Variants in MORN3 observed in about 807,000 individuals in gnomAD.
MORN3 encodes MORN repeat-containing protein 3.
In MORN3, 38 loss-of-function variants were observed where a neutral mutation model predicts 34.7. The ratio of observed to expected loss-of-function variants is 1.10; its 90% CI spans 0.85 to 1.44. The LOEUF is 1.44. Among genes scored for constraint, MORN3 ranks in the 40% most tolerant of loss-of-function variants. The pLI, the probability that MORN3 is intolerant of heterozygous loss-of-function variation, is 0.00. For synonymous variants in MORN3, 109 were observed against 115.3 expected, an observed-to-expected ratio of 0.95 and a Z score of 0.35; for missense variants, 311 against 321.7, an observed-to-expected ratio of 0.97 and a Z score of 0.25.
chr12:121,666,311 G>A (rs986397942), intron 1 of MORN3, among the ~76,000 whole-genome samples: 9 of 151,834 alleles, frequency 5.9e-5, no homozygotes, highest in African/African-American at 1.7e-4. Context: ...GTGAGCTACC[G>A]CACCTGGCAA....
At chr12:121,659,428 C>T in intron 1 of MORN3, 80 bp from the exon 2 acceptor site, 1 of 1,511,212 alleles carries the variant, frequency 6.6e-7, no homozygotes, top group African/African-American at 1.4e-5. Flanking sequence ...GCCTCAGGGG[C>T]CCCCAACTAG....
At chr12:121,668,661 C>G (rs893687088) in intron 1 of MORN3, among the ~76,000 whole-genome samples, 4 of 152,120 alleles carry the variant, frequency 2.6e-5, no homozygotes, top group African/African-American at 9.7e-5. Context: ...CTGCAGTGAG[C>G]TATGAAGGCA....
upstream of MORN3, among the ~76,000 whole-genome samples, chr12:121,671,881 A>G (rs891512548): frequency 5.5e-5 from 2 of 36,358 alleles, no homozygotes; most frequent in African/African-American, 2.9e-4. Context: ...ACTCCGTCTC[A>G]AAAAAAAAAA....
chr12:121,654,128 T>C, intron 3 of MORN3, 146 bp downstream of exon 3: 1 of 610,310 alleles, frequency 1.6e-6, no homozygotes. Context: ...AGGGTGCTCT[T>C]CCTCTCTTGT....
chr12:121,663,475 G>A (rs1316158930), intron 1 of MORN3, among the ~76,000 whole-genome samples: 1 of 152,158 alleles, frequency 6.6e-6, no homozygotes, highest in Non-Finnish European at 1.5e-5. Context: ...TGGGATTACA[G>A]GCGTAAGCCA....
At chr12:121,658,118 G>C (rs973618938) in intron 2 of MORN3, among the ~76,000 whole-genome samples, 1 of 152,050 alleles carries the variant, frequency 6.6e-6, no homozygotes, top group Non-Finnish European at 1.5e-5. Context: ...AGACTGATTT[G>C]AGTAATAATA....
chr12:121,670,516 G>GA (rs34804375), upstream of MORN3, among the ~76,000 whole-genome samples: 8 of 152,154 alleles, frequency 5.3e-5, no homozygotes, highest in African/African-American at 1.7e-4. Flanking sequence ...TACATATATT[G>GA]AAAAAAGGAG....
At position 121,651,010 on chromosome 12, in the gene MORN3, G is replaced by C. The variant is rs1006392052; in HGVS notation, c.*641C>G. ...CTGAGAAGTGGTCAGGAAATTTTAT[G>C]ATCTCCAATCTTGGCAGCCAGTGTG... On this transcript the variant is annotated 3_prime_UTR_variant, in exon 6 of 6. Coordinates refer to ENST00000355329, the MANE Select transcript of MORN3 (RefSeq NM_173855.5). 1 of 152,200 alleles carries C rather than the reference G, an allele frequency of 6.6e-6. No homozygotes were observed. Among genetic ancestry groups the C allele is most frequent in the Non-Finnish European group, 1.5e-5 (1 of 68,060 alleles). The allele number at this position is 152,200 out of a possible 1,614,324, so 9.4% of individuals were successfully genotyped here. A position where few individuals can be genotyped will look rare whatever the true frequency, so the allele number is the denominator to read the frequency against.
Position 121,654,255 on chromosome 12 carries a change from GC to G in MORN3, c.463+18del. Reference sequence around the variant, plus strand: ...GGGCGTGGTCGGGTGGGCGGGGCCGGCGGGGGTGGGGCACTCACTCAGGCGC... The same window carrying G: ...GGGCGTGGTCGGGTGGGCGGGGCCGGGGGGGTGGGGCACTCACTCAGGCGC... On this transcript the variant is annotated intron_variant, in intron 3 of 5. Transcript: ENST00000355329. 6.6e-7 allele frequency: 1 copy of G among 1,526,558 alleles called. No individual in the cohort carries two copies. Among genetic ancestry groups the G allele is most frequent in the Non-Finnish European group, 8.8e-7 (1 of 1,135,582 alleles). The allele number at this position is 1,526,558 out of a possible 1,614,324, so 94.6% of individuals were successfully genotyped here. A position where few individuals can be genotyped will look rare whatever the true frequency, so the allele number is the denominator to read the frequency against.
intron 1 of MORN3, among the ~76,000 whole-genome samples, chr12:121,667,622 T>G (rs923415474): frequency 6.6e-6 from 1 of 152,170 alleles, no homozygotes; most frequent in South Asian, 2.1e-4. Context: ...GGCTGTTCCT[T>G]GAACACCCCA....
chr12:121,654,471 C>G, intron 2 of MORN3, 38 bp from the exon 3 acceptor site: 3 of 1,529,628 alleles, frequency 2.0e-6, no homozygotes, highest in Non-Finnish European at 2.7e-6. Flanking sequence ...GGGCGCCCCC[C>G]AACACCACCA....
intron 1 of MORN3, among the ~76,000 whole-genome samples, chr12:121,668,729 A>G (rs1893853845): frequency 6.6e-6 from 1 of 152,184 alleles, no homozygotes. Flanking sequence ...CCTCAAAAAA[A>G]AAGAGTACAG....
chr12:121,654,197 G>T (rs1555325430), intron 3 of MORN3, 77 bp downstream of exon 3: 5 of 1,262,276 alleles, frequency 4.0e-6, no homozygotes, highest in Non-Finnish European at 3.3e-6. Flanking sequence ...CTGTCTCTGT[G>T]GGACCAAATG....
At position 121,653,247 on chromosome 12, in the gene MORN3, C is replaced by T. The variant is rs201433858; in HGVS notation, c.476G>A (p.Arg159His). ...EGMLRLKNGN[R>H]YEGCWERGMK... ...GCCTCTCTCCCAGCAGCCCTCGTAG[C>T]GGTTCCCGTTCTCTGGGGGAAAGGA... The change falls in exon 4 of 6, where the codon CGC becomes CAC. Residue 159 changes from arginine (R) to histidine (H), a missense_variant. Arg to His is a conservative substitution (Grantham distance 29). Coordinates refer to ENST00000355329, the MANE Select transcript of MORN3 (RefSeq NM_173855.5). 1.9e-5 allele frequency: 31 copies of T among 1,613,812 alleles called. No individual in the cohort carries two copies. The highest frequency in any genetic ancestry group is 1.3e-4 in the African/African-American group (10 of 75,040).
chr12:121,653,151 T>C lies in MORN3; in HGVS notation c.572A>G (p.Asn191Ser), dbSNP rs782435416. 1 of 1,614,162 alleles carries C rather than the reference T, an allele frequency of 6.2e-7. No individual in the cohort carries two copies. The highest frequency in any genetic ancestry group is 8.5e-7 in the Non-Finnish European group (1 of 1,180,024). Reference sequence around the variant, plus strand: ...GATCATCGTCCCGCATTTGGCCATATTGTCCACCCAGAAGCCTTCAAACAG... The same window carrying C: ...GATCATCGTCCCGCATTTGGCCATACTGTCCACCCAGAAGCCTTCAAACAG... ...GQLFEGFWVD[N>S]MAKCGTMIDF... Residue 191 changes from asparagine to serine, a missense_variant, in exon 4 of 6, where the codon AAT becomes AGT. Asn to Ser is a conservative substitution (Grantham distance 46). Transcript: ENST00000355329.
upstream of MORN3, among the ~76,000 whole-genome samples, chr12:121,670,574 C>T (rs557241375): frequency 3.3e-5 from 5 of 152,100 alleles, no homozygotes; most frequent in Admixed American, 1.3e-4. Context: ...TTTGGGAGGC[C>T]GAGGCGGGTG....
At chr12:121,654,798 A>G (rs377308553) in intron 2 of MORN3, among the ~76,000 whole-genome samples, 1 of 151,344 alleles carries the variant, frequency 6.6e-6, no homozygotes, top group Admixed American at 6.6e-5. Flanking sequence ...GGGTTTCACC[A>G]TGTTGGCCAG....
chr12:121,659,135 G>GCA (rs1292589671), intron 2 of MORN3, 56 bp downstream of exon 2: 20 of 1,283,170 alleles, frequency 1.6e-5, no homozygotes, highest in Middle Eastern at 2.3e-4. Context: ...ACACACACGC[G>GCA]CGCACACACA....
chr12:121,653,343 C>G (rs1188159096), intron 3 of MORN3, 84 bp from the exon 4 acceptor site: 28 of 1,398,448 alleles, frequency 2.0e-5, no homozygotes, highest in Non-Finnish European at 2.7e-5. Flanking sequence ...GAGCTCAGTG[C>G]AAATCCTAAC....
Sources: allele counts gnomAD v4.1 joint callset (sites outside exome capture counted in the v4.1 genomes callset), GRCh38; gene constraint gnomAD v4.1.1; transcripts MANE v1.5; gene names NCBI Gene and HGNC (gene_info 2026-07-23, HGNC 2026-07-21).